PDK1: variants seen among roughly 807,000 people sequenced by gnomAD.
PDK1 encodes the protein pyruvate dehydrogenase kinase 1.
A neutral mutation model predicts 54.2 loss-of-function variants in PDK1; 39 were observed. The observed-to-expected ratio is 0.72, with a 90% CI of 0.56 to 0.94. The LOEUF (loss-of-function observed/expected upper bound fraction) is 0.94. PDK1 is among the 40% of genes least tolerant of loss of function. The pLI, the probability that PDK1 is intolerant of heterozygous loss-of-function variation, is 0.00. For synonymous variants in PDK1, 221 were observed against 207.1 expected, an observed-to-expected ratio of 1.07 and a Z score of -0.58; for missense variants, 552 against 566.0, an observed-to-expected ratio of 0.98 and a Z score of 0.25.
At chr2:172,626,398 G>T in the PDK1 span, among the ~76,000 whole-genome samples, 1 of 152,164 alleles carries the variant, frequency 6.6e-6, no homozygotes, top group Non-Finnish European at 1.5e-5. Flanking sequence ...TTTCGGAGAA[G>T]AGGGAAGCTT....
chr2:172,690,188 A>T, the PDK1 span, among the ~76,000 whole-genome samples: 1 of 150,532 alleles, frequency 6.6e-6, no homozygotes, highest in Non-Finnish European at 1.5e-5. Flanking sequence ...AAAGTGGGCA[A>T]AGGATATGAA....
Position 172,596,981 on chromosome 2 carries a change from A to G in PDK1, c.*1012A>G, listed in dbSNP as rs1429739214. 1 of 152,224 alleles carries G rather than the reference A, an allele frequency of 6.6e-6. No individual in the cohort carries two copies. The highest frequency in any genetic ancestry group is 1.9e-4 in the East Asian group (1 of 5,208). The allele number at this position is 152,224 out of a possible 1,614,324, so 9.4% of individuals were successfully genotyped here. ...TTTCCACCTATTTAAAGTCAGATTT[A>G]TAGACTCGAGGAGACAGAAACTGAA... On this transcript the variant is annotated 3_prime_UTR_variant, in exon 11 of 11. Transcript: ENST00000282077.
In PDK1 at chr2:172,602,607, G is replaced by A. The variant is rs1441788616; in HGVS notation, c.*6638G>A. 6.6e-6 allele frequency: 1 copy of A among 152,192 alleles called. No individual in the cohort carries two copies. Among genetic ancestry groups the A allele is most frequent in the African/African-American group, 2.4e-5 (1 of 41,452 alleles). 9.4% of individuals were successfully genotyped at this position (152,192 alleles called of 1,614,324 possible). A position where few individuals can be genotyped will look rare whatever the true frequency, so the allele number is the denominator to read the frequency against. On this transcript the variant is annotated 3_prime_UTR_variant, in exon 11 of 11. Coordinates refer to ENST00000282077, the MANE Select transcript of PDK1 (RefSeq NM_002610.5). ...CGTCACCATTTGCCAGGCGTTGCAA[G>A]TATCACCATTTGCAAGGTGTTAACA...
the PDK1 span, among the ~76,000 whole-genome samples, chr2:172,693,189 A>G: frequency 6.6e-6 from 1 of 152,236 alleles, no homozygotes; most frequent in Non-Finnish European, 1.5e-5. Flanking sequence ...CTGTGGTGAT[A>G]GGAAAAATAC....
chr2:172,581,727 T>G (rs1689921087), intron 8 of PDK1, among the ~76,000 whole-genome samples: 1 of 152,010 alleles, frequency 6.6e-6, no homozygotes, highest in Non-Finnish European at 1.5e-5. Context: ...AAGGCTTGGT[T>G]TTGTTTCTTC....
the PDK1 span, among the ~76,000 whole-genome samples, chr2:172,693,188 T>C: frequency 1.3e-5 from 2 of 152,348 alleles, no homozygotes; most frequent in East Asian, 1.9e-4. Context: ...ACTGTGGTGA[T>C]AGGAAAAATA....
At chr2:172,699,759 T>A in the PDK1 span, among the ~76,000 whole-genome samples, 1 of 151,338 alleles carries the variant, frequency 6.6e-6, no homozygotes, top group Non-Finnish European at 1.5e-5. Flanking sequence ...TTTTTATTAT[T>A]ATTTTTTTTT....
At chr2:172,711,121 G>A in the PDK1 span, among the ~76,000 whole-genome samples, 1 of 152,272 alleles carries the variant, frequency 6.6e-6, no homozygotes, top group East Asian at 1.9e-4. Context: ...AATTTCCCCT[G>A]ACATTTTCTT....
At chr2:172,620,700 C>T in the PDK1 span, among the ~76,000 whole-genome samples, 6 of 152,114 alleles carry the variant, frequency 3.9e-5, no homozygotes, top group Non-Finnish European at 7.3e-5. Context: ...AGTGAGTTCT[C>T]GCAAGATCTC....
chr2:172,653,808 G>A, the PDK1 span, among the ~76,000 whole-genome samples: 45 of 152,130 alleles, frequency 3.0e-4, no homozygotes, highest in East Asian at 3.7e-3. Context: ...TCTGCACAGC[G>A]AAAGAAACTA....
chr2:172,618,533 T>C, the PDK1 span, among the ~76,000 whole-genome samples: 3 of 152,046 alleles, frequency 2.0e-5, no homozygotes, highest in Non-Finnish European at 4.4e-5. Context: ...CAAAGATGAA[T>C]AAAGAAGAAA....
At chr2:172,566,122 T>A (rs1688925725) in intron 5 of PDK1, among the ~76,000 whole-genome samples, 1 of 152,232 alleles carries the variant, frequency 6.6e-6, no homozygotes, top group African/African-American at 2.4e-5. Context: ...GTTACATAGA[T>A]AGCAATTATT....
At chr2:172,691,952 A>T in the PDK1 span, among the ~76,000 whole-genome samples, 1 of 152,206 alleles carries the variant, frequency 6.6e-6, no homozygotes, top group Non-Finnish European at 1.5e-5. Flanking sequence ...TAGTATAGTA[A>T]GAATATGTTT....
the PDK1 span, among the ~76,000 whole-genome samples, chr2:172,615,144 C>G: frequency 6.6e-6 from 1 of 152,142 alleles, no homozygotes; most frequent in Non-Finnish European, 1.5e-5. Flanking sequence ...CACAGCAGGC[C>G]GAGTAGACAG....
Position 172,597,653 on chromosome 2 carries a change from C to CTCAG in PDK1, c.*1684_*1685insTCAG, listed in dbSNP as rs1447023347. ...CTCAGAATTGGAGCAGAGCCTGAGACGTATCTGCAGATCCTGTCATCAGCT... is the reference window on the plus strand; with the variant it reads ...CTCAGAATTGGAGCAGAGCCTGAGACTCAGGTATCTGCAGATCCTGTCATCAGCT... On this transcript the variant is annotated 3_prime_UTR_variant, in exon 11 of 11. Transcript: ENST00000282077. The CTCAG allele has an allele frequency of 6.6e-6, 1 of 152,166 alleles. No individual in the cohort carries two copies. Among genetic ancestry groups the CTCAG allele is most frequent in the African/African-American group, 2.4e-5 (1 of 41,432 alleles). The allele number at this position is 152,166 out of a possible 1,614,324, so 9.4% of individuals were successfully genotyped here.
chr2:172,584,830 G>GTT lies in PDK1; in HGVS notation c.946-1429_946-1428dup, dbSNP rs1273636309. On this transcript the variant is annotated intron_variant, in intron 8 of 10. Coordinates refer to ENST00000282077, the MANE Select transcript of PDK1 (RefSeq NM_002610.5). ...ACTACCACATCTGGGTAATTTTAAA[G>GTT]TTTTTTTTTTTTTTTTTTTTGTACA... 8.5e-4 allele frequency among the ~76,000 whole-genome samples: 99 copies of GTT among 116,454 alleles called. 1 individual carries two copies. Among genetic ancestry groups the GTT allele is most frequent in the East Asian group, 4.6e-3 (17 of 3,660 alleles). 76.4% of individuals were successfully genotyped at this position (116,454 alleles called of 152,430 possible).
At chr2:172,568,252 T>C (rs1028859760) in intron 6 of PDK1, among the ~76,000 whole-genome samples, 2 of 135,928 alleles carry the variant, frequency 1.5e-5, no homozygotes, top group Non-Finnish European at 3.0e-5. Flanking sequence ...TGCTTGAACC[T>C]GGGAAGTGGA....
chr2:172,628,343 C>T, the PDK1 span, among the ~76,000 whole-genome samples: 1 of 152,162 alleles, frequency 6.6e-6, no homozygotes, highest in Non-Finnish European at 1.5e-5. Context: ...CTCACGGTGC[C>T]GGGCTAATAG....
the PDK1 span, among the ~76,000 whole-genome samples, chr2:172,692,638 G>A: frequency 2.6e-5 from 4 of 152,160 alleles, no homozygotes; most frequent in Middle Eastern, 3.2e-3. Context: ...GGTCTTATAG[G>A]GAGAGGGTAT....
Sources: gnomAD v4.1 joint callset for allele counts (sites outside exome capture counted in the v4.1 genomes callset) on GRCh38, gnomAD v4.1.1 for gene constraint, MANE v1.5 for transcripts, NCBI Gene and HGNC (gene_info 2026-07-23, HGNC 2026-07-21) for gene names.